Variants in CACNB4 observed in about 807,000 individuals in gnomAD.
CACNB4 encodes the protein calcium voltage-gated channel auxiliary subunit beta 4.
In CACNB4, 32 loss-of-function variants were observed where a neutral mutation model predicts 71.2. That is an observed-to-expected ratio of 0.45 (90% CI 0.34 to 0.60). The LOEUF (loss-of-function observed/expected upper bound fraction) is 0.60, where lower values mean the gene tolerates loss of function less well. CACNB4 is among the 20% of genes least tolerant of loss of function. CACNB4 has a pLI of 0.01. For synonymous variants in CACNB4, 231 were observed against 236.9 expected (o/e 0.97, Z 0.23); for missense variants, 464 against 647.9 (o/e 0.72, Z 3.08).
At chr2:152,066,999 TG>T (rs1448386391) in intron 2 of CACNB4, among the ~76,000 whole-genome samples, 2 of 83,982 alleles carry the variant, frequency 2.4e-5, no homozygotes, top group African/African-American at 4.8e-5. Context: ...TGTTTTGGGG[TG>T]GGGGGAGGGG....
chr2:152,054,231 T>G (rs1037246916), intron 2 of CACNB4, among the ~76,000 whole-genome samples: 4 of 151,586 alleles, frequency 2.6e-5, no homozygotes, highest in Admixed American at 1.3e-4. Context: ...CCGGGCGTGG[T>G]GGCGCGCGCC....
At chr2:151,882,894 C>A in intron 3 of CACNB4, 1 of 337,084 alleles carries the variant, frequency 3.0e-6, no homozygotes, top group South Asian at 2.6e-5. Flanking sequence ...ACACGTGTGG[C>A]CTGTAATAAA....
chr2:152,096,280 A>G (rs1251979311), intron 2 of CACNB4, among the ~76,000 whole-genome samples: 4 of 152,076 alleles, frequency 2.6e-5, no homozygotes, highest in East Asian at 3.9e-4. Flanking sequence ...TCAGGAGATA[A>G]AGACCATCCT....
At chr2:152,011,186 T>C (rs1035418114) in intron 2 of CACNB4, among the ~76,000 whole-genome samples, 1 of 152,214 alleles carries the variant, frequency 6.6e-6, no homozygotes, top group South Asian at 2.1e-4. Flanking sequence ...ATCATTGAGA[T>C]GAAGTCATCT....
At chr2:151,865,756 TTG>T (rs1489864332) in intron 9 of CACNB4, 1 of 146,702 alleles carries the variant, frequency 6.8e-6, no homozygotes, top group Non-Finnish European at 1.5e-5. Context: ...CTGTTTAGTA[TTG>T]TGTTTTTCTT....
In CACNB4 at chr2:152,085,747, A is replaced by G. The variant is rs146905073; in HGVS notation, c.147+12583T>C. Among the ~76,000 whole-genome samples the G allele has an allele frequency of 3.0e-3, 454 of 151,990 alleles. 5 individuals carry two copies. The highest frequency in any genetic ancestry group is 0.01 in the African/African-American group (434 of 41,420). ...CACAATAATGGCGGATGTTTTTAAC[A>G]TACGTGTATGTTGGACATACGTTTT... On this transcript the variant is annotated intron_variant, in intron 2 of 13. Transcript: ENST00000539935.
intron 2 of CACNB4, among the ~76,000 whole-genome samples, chr2:152,030,268 A>AT (rs1257859212): frequency 6.6e-6 from 1 of 152,242 alleles, no homozygotes; most frequent in Non-Finnish European, 1.5e-5. Context: ...GAAACACAAC[A>AT]TTGAAAATAC....
At chr2:151,966,705 T>C (rs2099871209) in intron 2 of CACNB4, among the ~76,000 whole-genome samples, 1 of 152,128 alleles carries the variant, frequency 6.6e-6, no homozygotes, top group African/African-American at 2.4e-5. Flanking sequence ...TTGTTGGAAA[T>C]CACTGTCAAA....
At chr2:151,879,265 A>G (rs1216282945) in intron 4 of CACNB4, among the ~76,000 whole-genome samples, 2 of 152,234 alleles carry the variant, frequency 1.3e-5, no homozygotes, top group East Asian at 3.8e-4. Flanking sequence ...GGTTAATTCA[A>G]CTTCCCAAAA....
At chr2:152,035,610 T>TCTCTCTCTCC (rs1684524499) in intron 2 of CACNB4, among the ~76,000 whole-genome samples, 1 of 124,046 alleles carries the variant, frequency 8.1e-6, no homozygotes, top group Non-Finnish European at 1.7e-5. Flanking sequence ...TCTTTCTCTC[T>TCTCTCTCTCC]CTCTCTCTCC....
intron 5 of CACNB4, among the ~76,000 whole-genome samples, chr2:151,875,651 G>C (rs1171102465): frequency 1.5e-5 from 2 of 136,598 alleles, no homozygotes; most frequent in Admixed American, 7.0e-5. Flanking sequence ...TCCCGGACGG[G>C]GCGGCTGGCC....
chr2:152,074,679 T>C (rs10930912), intron 2 of CACNB4, among the ~76,000 whole-genome samples: 903 of 5,800 alleles, frequency 0.16, 82 homozygotes, highest in East Asian at 0.38. Context: ...ACCACCTCTA[T>C]CATCACCATC....
At chr2:152,026,046 G>A (rs1019284348) in intron 2 of CACNB4, among the ~76,000 whole-genome samples, 10 of 152,270 alleles carry the variant, frequency 6.6e-5, no homozygotes, top group Middle Eastern at 3.4e-3. Context: ...CTCTGGAGGC[G>A]CAGGGCCGAG....
chr2:152,004,550 C>T (rs1025413035), intron 2 of CACNB4, among the ~76,000 whole-genome samples: 7 of 151,978 alleles, frequency 4.6e-5, no homozygotes, highest in Middle Eastern at 3.2e-3. Flanking sequence ...CACACACACA[C>T]ACACACACAC....
chr2:151,918,096 G>C (rs1254534204), intron 2 of CACNB4, among the ~76,000 whole-genome samples: 7 of 152,126 alleles, frequency 4.6e-5, no homozygotes, highest in Non-Finnish European at 1.0e-4. Flanking sequence ...AGATACAACA[G>C]CCACCCTCAA....
intron 10 of CACNB4, chr2:151,859,041 G>C (rs935928253): frequency 6.6e-6 from 1 of 152,192 alleles, no homozygotes; most frequent in African/African-American, 2.4e-5. Flanking sequence ...CACATAACAA[G>C]TGTTCAATAA....
intron 2 of CACNB4, among the ~76,000 whole-genome samples, chr2:151,906,143 G>A (rs928828270): frequency 2.0e-5 from 3 of 152,046 alleles, no homozygotes; most frequent in Admixed American, 6.5e-5. Flanking sequence ...AAAAGTTGAG[G>A]GACGCTACAT....
At chr2:152,031,876 T>C (rs1175498171) in intron 2 of CACNB4, among the ~76,000 whole-genome samples, 1 of 152,198 alleles carries the variant, frequency 6.6e-6, no homozygotes, top group Non-Finnish European at 1.5e-5. Context: ...GCCCTTTCTG[T>C]TGGCATTAGG....
Position 152,098,647 on chromosome 2 carries a change from C to CATT in CACNB4, c.64-237_64-235dup. 1 of 1,573,792 alleles carries CATT rather than the reference C, an allele frequency of 6.4e-7. No individual in the cohort carries two copies. The highest frequency in any genetic ancestry group is 8.6e-7 in the Non-Finnish European group (1 of 1,159,666). ...GCAGCCCGCAAGCACCCACCACATC[C>CATT]ATTAACAAAGACTCTCAGGGTGCGG... On this transcript the variant is annotated intron_variant, in intron 1 of 13. Transcript: ENST00000539935. This position sits in a 1 kb window ranked among gnomAD's most constrained non-coding sequence, Gnocchi z 5.3.
Sources: allele counts gnomAD v4.1 joint callset (sites outside exome capture counted in the v4.1 genomes callset), GRCh38; gene constraint gnomAD v4.1.1; non-coding constraint Gnocchi (gnomAD v3.1); transcripts MANE v1.5; gene names NCBI Gene and HGNC (gene_info 2026-07-23, HGNC 2026-07-21).